The following GABPB1 variants were observed in gnomAD, a reference collection of about 807,000 sequenced individuals.
GABPB1 encodes the protein GA binding protein transcription factor subunit beta 1.
A neutral mutation model predicts 45.9 loss-of-function variants in GABPB1; 15 were observed. The observed-to-expected ratio is 0.33, with a 90% CI of 0.22 to 0.50. The LOEUF (loss-of-function observed/expected upper bound fraction) is 0.50. Among genes scored for constraint, GABPB1 ranks in the 20% least tolerant of loss-of-function variants. The probability of loss-of-function intolerance (pLI) is 0.98; values close to 1 mark genes in which losing one functional copy is unlikely to be tolerated. For missense variants in GABPB1, 252 were observed against 457.5 expected, an observed-to-expected ratio of 0.55 and a Z score of 4.10; for synonymous variants, 143 against 154.4, an observed-to-expected ratio of 0.93 and a Z score of 0.55.
In GABPB1 at chr15:50,281,503, G is replaced by A. The variant is rs563961137; in HGVS notation, c.1000-2719C>T. Among the ~76,000 whole-genome samples the A allele has an allele frequency of 4.0e-4, 61 of 152,286 alleles. 1 individual carries two copies. Among genetic ancestry groups the A allele is most frequent in the Middle Eastern group, 3.4e-3 (1 of 294 alleles). ...TAGGATTACAGGCGTGAGCCACTGC[G>A]CCCGGCCTAAATGTTTTTTAAAAGA... On this transcript the variant is annotated intron_variant, in intron 8 of 8. Transcript: ENST00000380877.
chr15:50,346,595 T>G (rs1396157810), intron 1 of GABPB1, among the ~76,000 whole-genome samples: 2 of 148,482 alleles, frequency 1.3e-5, no homozygotes, highest in African/African-American at 2.5e-5. Context: ...AAGTTTTTTT[T>G]TTTTTTTTTT....
intron 8 of GABPB1, chr15:50,282,315 T>G (rs1303347381): frequency 2.2e-6 from 1 of 454,734 alleles, no homozygotes; most frequent in East Asian, 7.0e-5. Flanking sequence ...TCTCAACTCT[T>G]CAGGAGGCTG....
At chr15:50,281,359 A>G (rs189466032) in intron 8 of GABPB1, among the ~76,000 whole-genome samples, 2 of 150,180 alleles carry the variant, frequency 1.3e-5, no homozygotes, top group South Asian at 2.1e-4. Context: ...CTATAGGCGC[A>G]CGCCACCATG....
chr15:50,302,210 A>C (rs1406414616), intron 4 of GABPB1, among the ~76,000 whole-genome samples: 1 of 152,254 alleles, frequency 6.6e-6, no homozygotes, highest in Non-Finnish European at 1.5e-5. Context: ...GAAAGATAAA[A>C]GAAACAAATC....
rs556387412 is a variant in GABPB1, at chr15:50,307,379, A to G, written c.108+2312T>C. Among the ~76,000 whole-genome samples the G allele has an allele frequency of 2.4e-4, 37 of 152,232 alleles. No homozygotes were observed. In the East Asian group the frequency reaches 4.4e-3, roughly 18 times the overall value. ...AAGCACCATATCCAGTCAGTCTTCTATTGCCTTGTCTTTTTATTGCTAACC... is the reference window on the plus strand; with the variant it reads ...AAGCACCATATCCAGTCAGTCTTCTGTTGCCTTGTCTTTTTATTGCTAACC... On this transcript the variant is annotated intron_variant, in intron 2 of 8. Transcript: ENST00000380877.
chr15:50,312,410 G>C (rs1204297453), intron 1 of GABPB1, among the ~76,000 whole-genome samples: 3 of 151,884 alleles, frequency 2.0e-5, no homozygotes, highest in African/African-American at 7.3e-5. Flanking sequence ...TGGAGTCACT[G>C]AAAGCCAAGA....
At chr15:50,316,427 AT>A (rs1322316579) in intron 1 of GABPB1, among the ~76,000 whole-genome samples, 1 of 152,216 alleles carries the variant, frequency 6.6e-6, no homozygotes, top group African/African-American at 2.4e-5. Context: ...GCACTCTTAA[AT>A]AAGAATATGA....
chr15:50,284,550 C>G (rs1260361124), intron 8 of GABPB1, among the ~76,000 whole-genome samples: 1 of 152,074 alleles, frequency 6.6e-6, no homozygotes, highest in Non-Finnish European at 1.5e-5. Context: ...CCTGGTCTCT[C>G]AAAAGACTGT....
At position 50,278,204 on chromosome 15, in the gene GABPB1, G is replaced by T. The variant is rs1002990961; in HGVS notation, c.*428C>A. 1 of 153,028 alleles carries T rather than the reference G, an allele frequency of 6.5e-6. No homozygotes were observed. Among genetic ancestry groups the T allele is most frequent in the African/African-American group, 2.4e-5 (1 of 41,436 alleles). The allele number at this position is 153,028 out of a possible 1,614,324, so 9.5% of individuals were successfully genotyped here. A position where few individuals can be genotyped will look rare whatever the true frequency, so the allele number is the denominator to read the frequency against. ...GGAGAAATCTTCTCTTCATACAGAG[G>T]TTTATACCTACAGGAGTAATTCCAG... On this transcript the variant is annotated 3_prime_UTR_variant, in exon 9 of 9. Coordinates refer to ENST00000380877, the MANE Select transcript of GABPB1 (RefSeq NM_016654.5).
intron 1 of GABPB1, among the ~76,000 whole-genome samples, chr15:50,346,182 G>C (rs2048571009): frequency 6.6e-6 from 1 of 152,122 alleles, no homozygotes; most frequent in South Asian, 2.1e-4. Flanking sequence ...AAATGTGCAA[G>C]CTTGTACCCT....
chr15:50,316,903 T>C (rs1022102344), intron 1 of GABPB1, among the ~76,000 whole-genome samples: 1 of 152,110 alleles, frequency 6.6e-6, no homozygotes, highest in Non-Finnish European at 1.5e-5. Flanking sequence ...GGCTGACTCA[T>C]TTCCCAACTC....
chr15:50,304,819 T>C (rs577927872), intron 2 of GABPB1, among the ~76,000 whole-genome samples: 1 of 152,278 alleles, frequency 6.6e-6, no homozygotes, highest in African/African-American at 2.4e-5. Context: ...GTTAACTTCG[T>C]CTGTAAAATT....
intron 1 of GABPB1, among the ~76,000 whole-genome samples, chr15:50,335,895 CAAAAA>C (rs775073809): frequency 3.8e-5 from 3 of 79,320 alleles, no homozygotes; most frequent in South Asian, 5.1e-4. Context: ...GACTCCGACT[CAAAAA>C]AAAAAAAAAA....
intron 6 of GABPB1, among the ~76,000 whole-genome samples, chr15:50,290,449 G>A (rs1158683460): frequency 1.3e-5 from 2 of 151,912 alleles, no homozygotes; most frequent in African/African-American, 4.8e-5. Context: ...AAATTAGCTG[G>A]GACTGGTGGT....
chr15:50,313,644 A>C (rs1382201364), intron 1 of GABPB1, among the ~76,000 whole-genome samples: 1 of 152,180 alleles, frequency 6.6e-6, no homozygotes, highest in Non-Finnish European at 1.5e-5. Context: ...AAAAAAATGC[A>C]GTAATTTAAC....
At chr15:50,334,782 T>C (rs2048064292) in intron 1 of GABPB1, among the ~76,000 whole-genome samples, 1 of 152,234 alleles carries the variant, frequency 6.6e-6, no homozygotes, top group Non-Finnish European at 1.5e-5. Context: ...TTTTCAAAAC[T>C]ATAATGCCAC....
chr15:50,338,275 G>C (rs1190052137), intron 1 of GABPB1, among the ~76,000 whole-genome samples: 1 of 151,784 alleles, frequency 6.6e-6, no homozygotes, highest in Non-Finnish European at 1.5e-5. Context: ...CCTAACCTCA[G>C]GCGATCTGCC....
intron 7 of GABPB1, among the ~76,000 whole-genome samples, chr15:50,287,861 G>A (rs76817695): frequency 0.039 from 5,936 of 152,206 alleles, 220 homozygotes; most frequent in East Asian, 0.2. Context: ...ATGGCCTCCA[G>A]GCTTCAGAGG....
At chr15:50,338,538 A>G (rs894263614) in intron 1 of GABPB1, among the ~76,000 whole-genome samples, 1 of 152,068 alleles carries the variant, frequency 6.6e-6, no homozygotes, top group South Asian at 2.1e-4. Context: ...TAGTGGTGCA[A>G]TGTCAGCTCA....
Sources: gnomAD v4.1 joint callset for allele counts (sites outside exome capture counted in the v4.1 genomes callset) on GRCh38, gnomAD v4.1.1 for gene constraint, MANE v1.5 for transcripts, NCBI Gene and HGNC (gene_info 2026-07-23, HGNC 2026-07-21) for gene names.